GDPD3: variants seen among roughly 807,000 people sequenced by gnomAD.
GDPD3 encodes lysophospholipase D GDPD3.
GDPD3 carries 40 observed loss-of-function variants against 43.7 expected under a neutral mutation model. The ratio of observed to expected loss-of-function variants is 0.91; its 90% CI spans 0.71 to 1.19. The LOEUF is 1.19. Among genes scored for constraint, GDPD3 ranks in the 50% most tolerant of loss-of-function variants. The pLI is 0.00. For synonymous variants in GDPD3, 145 were observed against 162.9 expected, an observed-to-expected ratio of 0.89 and a Z score of 0.84; for missense variants, 363 against 415.8, an observed-to-expected ratio of 0.87 and a Z score of 1.11.
chr16:30,105,029 G>A lies in GDPD3; in HGVS notation c.820-20C>T. ...GACCACCTGAGCAGGGAGGGAGGGG[G>A]CCTGTAGATTCTGAACAATTTTACA... is the stretch of plus-strand genomic sequence containing the variant. On this transcript the variant is annotated intron_variant, in intron 9 of 9. Coordinates refer to ENST00000406256, the MANE Select transcript of GDPD3 (RefSeq NM_024307.3). The A allele has an allele frequency of 6.3e-7, 1 of 1,582,546 alleles. No individual in the cohort carries two copies. Among genetic ancestry groups the A allele is most frequent in the Middle Eastern group, 1.9e-4 (1 of 5,314 alleles).
Position 30,113,194 on chromosome 16 carries a change from C to T in GDPD3, c.140-130G>A. 1 of 1,357,138 alleles carries T rather than the reference C, an allele frequency of 7.4e-7. No homozygotes were observed. Among genetic ancestry groups the T allele is most frequent in the Non-Finnish European group, 1.0e-6 (1 of 983,380 alleles). 84.1% of individuals were successfully genotyped at this position (1,357,138 alleles called of 1,614,324 possible). On this transcript the variant is annotated intron_variant, in intron 1 of 9. Coordinates refer to ENST00000406256, the MANE Select transcript of GDPD3 (RefSeq NM_024307.3). The surrounding 1 kb of genome is among the most constrained non-coding windows in gnomAD (Gnocchi z 5.9). Reference sequence around the variant, plus strand: ...ACCTCCCCAGCCAGCCCAGGCTGCGCCAGCATCTTCTTCCTCGTCCACACC... The same window carrying T: ...ACCTCCCCAGCCAGCCCAGGCTGCGTCAGCATCTTCTTCCTCGTCCACACC...
intron 7 of GDPD3, among the ~76,000 whole-genome samples, chr16:30,109,730 G>A (rs1292486301): frequency 6.6e-6 from 1 of 150,668 alleles, no homozygotes; most frequent in East Asian, 2.0e-4. Flanking sequence ...GCTTGAATCT[G>A]GGAGGCGGAG....
chr16:30,111,737 A>T, intron 6 of GDPD3: 2 of 569,504 alleles, frequency 3.5e-6, no homozygotes, highest in Non-Finnish European at 6.2e-6. Context: ...GTTCAAGACC[A>T]GCCTGGCTAA....
chr16:30,106,212 T>C (rs1444875049), intron 9 of GDPD3, among the ~76,000 whole-genome samples: 1 of 152,190 alleles, frequency 6.6e-6, no homozygotes, highest in Non-Finnish European at 1.5e-5. Context: ...ATTACTGTGT[T>C]CTTGAAGTGA....
chr16:30,112,528 G>T lies in GDPD3; in HGVS notation c.359C>A (p.Ser120Tyr), dbSNP rs746705329. 4.3e-6 allele frequency: 7 copies of T among 1,614,178 alleles called. No individual in the cohort carries two copies. The highest frequency in any genetic ancestry group is 5.9e-6 in the Non-Finnish European group (7 of 1,180,016). ...CTCGAAGCCCTTGCTCTCACCTGGA[G>T]AGAAGTAAACCTCCAGCTTCTCCTT... is the stretch of plus-strand genomic sequence containing the variant. The part of the protein sequence containing the change: ...LYKEKLEVYF[S>Y]PGHFAHGSDR... The change falls in exon 4 of 10, where the codon TCT (serine) becomes TAT (tyrosine). Residue 120 changes from serine to tyrosine, a missense_variant. By Grantham distance (144) the Ser-to-Tyr change is moderately radical. Transcript: ENST00000406256. The surrounding 1 kb of genome is among the most constrained non-coding windows in gnomAD (Gnocchi z 5.4).
In GDPD3 at chr16:30,112,894, G is replaced by C; in HGVS notation, c.183-101C>G. On this transcript the variant is annotated intron_variant, in intron 2 of 9. Transcript: ENST00000406256. The surrounding 1 kb of genome is among the most constrained non-coding windows in gnomAD (Gnocchi z 5.4). ...GAATGTGAGAGCGGAGTTCGTGGCG[G>C]GATGTGCAGGCCACCTCCAGGGGGC... is the stretch of plus-strand genomic sequence containing the variant. 1.3e-6 allele frequency: 2 copies of C among 1,496,090 alleles called. No homozygotes were observed. The highest frequency in any genetic ancestry group is 1.9e-6 in the Non-Finnish European group (2 of 1,081,034). 92.7% of individuals were successfully genotyped at this position (1,496,090 alleles called of 1,614,324 possible).
intron 9 of GDPD3, among the ~76,000 whole-genome samples, chr16:30,105,647 G>C (rs2072854390): frequency 6.6e-6 from 1 of 150,678 alleles, no homozygotes; most frequent in Admixed American, 6.6e-5. Flanking sequence ...TGGGACTACA[G>C]ATGTCCGCCA....
intron 7 of GDPD3, chr16:30,110,520 C>T (rs1273147602): frequency 2.0e-5 from 3 of 151,936 alleles, no homozygotes; most frequent in Non-Finnish European, 2.9e-5. Flanking sequence ...AGTGGGACTT[C>T]CTTCTGGACA....
intron 9 of GDPD3, among the ~76,000 whole-genome samples, chr16:30,105,597 C>T (rs1471021169): frequency 2.0e-5 from 3 of 151,090 alleles, no homozygotes; most frequent in Non-Finnish European, 3.0e-5. Flanking sequence ...CTCTGCCTCC[C>T]GGGTTCACAC....
Position 30,112,911 on chromosome 16 carries a change from C to T in GDPD3, c.182+111G>A. The T allele has an allele frequency of 6.8e-7, 1 of 1,468,340 alleles. No individual in the cohort carries two copies. Among genetic ancestry groups the T allele is most frequent in the South Asian group, 1.1e-5 (1 of 87,168 alleles). The allele number at this position is 1,468,340 out of a possible 1,614,324, so 91.0% of individuals were successfully genotyped here. A position where few individuals can be genotyped will look rare whatever the true frequency, so the allele number is the denominator to read the frequency against. ...TCGTGGCGGGATGTGCAGGCCACCT[C>T]CAGGGGGCGCCAGTCACCCAGCTAG... is the stretch of plus-strand genomic sequence containing the variant. On this transcript the variant is annotated intron_variant, in intron 2 of 9. Transcript: ENST00000406256. The surrounding 1 kb of genome is among the most constrained non-coding windows in gnomAD (Gnocchi z 5.4).
At chr16:30,110,376 A>G (rs1297679081) in intron 7 of GDPD3, 3 of 152,282 alleles carry the variant, frequency 2.0e-5, no homozygotes, top group East Asian at 3.9e-4. Flanking sequence ...GCTTGCAGTG[A>G]GCCGAGATCA....
intron 7 of GDPD3, among the ~76,000 whole-genome samples, chr16:30,108,992 T>TG (rs1244511733): frequency 5.3e-5 from 8 of 150,960 alleles, no homozygotes; most frequent in Middle Eastern, 3.4e-3. Context: ...CCACCACGCC[T>TG]GCTAATTTTT....
chr16:30,108,844 T>A (rs975882790), intron 7 of GDPD3, among the ~76,000 whole-genome samples: 3 of 151,816 alleles, frequency 2.0e-5, no homozygotes, highest in African/African-American at 7.2e-5. Context: ...TAATTTTTTT[T>A]TTTTTGAGAC....
In GDPD3 at chr16:30,104,822, A is replaced by C; in HGVS notation, c.*50T>G. On this transcript the variant is annotated 3_prime_UTR_variant, in exon 10 of 10. Coordinates refer to ENST00000406256, the MANE Select transcript of GDPD3 (RefSeq NM_024307.3). ...CAGCACAACGATGTGATCGAAAGGCAAATATTTATTTTTCAGGAAGAGAAA... is the reference window on the plus strand; with the variant it reads ...CAGCACAACGATGTGATCGAAAGGCCAATATTTATTTTTCAGGAAGAGAAA... 1 of 1,580,454 alleles carries C rather than the reference A, an allele frequency of 6.3e-7. No individual in the cohort carries two copies. Among genetic ancestry groups the C allele is most frequent in the Non-Finnish European group, 8.7e-7 (1 of 1,153,482 alleles).
At chr16:30,110,034 C>A (rs1005783824) in intron 7 of GDPD3, among the ~76,000 whole-genome samples, 1 of 152,102 alleles carries the variant, frequency 6.6e-6, no homozygotes, top group Non-Finnish European at 1.5e-5. Context: ...AATTACAGAA[C>A]CTCTCTGGGC....
chr16:30,111,900 T>C, intron 6 of GDPD3: 1 of 580,378 alleles, frequency 1.7e-6, no homozygotes, highest in Non-Finnish European at 3.1e-6. Flanking sequence ...ACCACCGCAC[T>C]CCAGCCTGGG....
Position 30,113,015 on chromosome 16 carries a change from C to T in GDPD3, c.182+7G>A, listed in dbSNP as rs758699537. Reference sequence around the variant, plus strand: ...ATGGCAGCCTGGGCAGGGGCAGATACACTCACTTCTCCATGGCCTCCATGG... The same window carrying T: ...ATGGCAGCCTGGGCAGGGGCAGATATACTCACTTCTCCATGGCCTCCATGG... On this transcript the variant is annotated splice_region_variant and intron_variant, in intron 2 of 9. Coordinates refer to ENST00000406256, the MANE Select transcript of GDPD3 (RefSeq NM_024307.3). The surrounding 1 kb of genome is among the most constrained non-coding windows in gnomAD (Gnocchi z 5.9). The T allele has an allele frequency of 2.5e-6, 4 of 1,612,810 alleles. No homozygotes were observed. The highest frequency in any genetic ancestry group is 3.4e-6 in the Non-Finnish European group (4 of 1,179,320).
chr16:30,112,227 A>G lies in GDPD3; in HGVS notation c.484-6T>C, dbSNP rs775942382. 9.4e-6 allele frequency: 15 copies of G among 1,602,422 alleles called. No individual in the cohort carries two copies. Among genetic ancestry groups the G allele is most frequent in the Non-Finnish European group, 1.3e-5 (15 of 1,179,666 alleles). ...CGTCTCACCAAGCCTGCTATCTGGG[A>G]GGAGGAGAAGGAGGTGAAGGGAGAG... On this transcript the variant is annotated splice_polypyrimidine_tract_variant and splice_region_variant and intron_variant, in intron 5 of 9. Transcript: ENST00000406256. This position sits in a 1 kb window ranked among gnomAD's most constrained non-coding sequence, Gnocchi z 5.4.
At position 30,108,251 on chromosome 16, in the gene GDPD3, T is replaced by C; in HGVS notation, c.781A>G (p.Lys261Glu). Residue 261 changes from lysine to glutamate, a missense_variant, in exon 9 of 10, where the codon AAG becomes GAG. Physicochemically the swap from Lys to Glu is moderately conservative, Grantham distance 56. Transcript: ENST00000406256. ...TCCTCCAAGTGTCGGATCAGACTCT[T>C]CCTCATGATCAGCCTGGGGGTGGGG... Reference protein sequence around the residue: ...AVVSKWLIMRKSLIRHLEERG... With the variant: ...AVVSKWLIMRESLIRHLEERG... 1.9e-6 allele frequency: 3 copies of C among 1,611,072 alleles called. No homozygotes were observed. The highest frequency in any genetic ancestry group is 2.5e-6 in the Non-Finnish European group (3 of 1,178,398).
Sources: gnomAD v4.1 joint callset for allele counts (sites outside exome capture counted in the v4.1 genomes callset) on GRCh38, gnomAD v4.1.1 for gene constraint, Gnocchi (gnomAD v3.1) non-coding constraint, MANE v1.5 for transcripts, NCBI Gene and HGNC (gene_info 2026-07-23, HGNC 2026-07-21) for gene names.